Variants in SPHKAP observed in about 807,000 individuals in gnomAD.
SPHKAP encodes A-kinase anchor protein SPHKAP.
Under a neutral mutation model 137.5 loss-of-function variants are expected in SPHKAP, and 67 were observed. That is an observed-to-expected ratio of 0.49 (90% CI 0.40 to 0.60). SPHKAP has a LOEUF of 0.60. Ranked by LOEUF, SPHKAP falls within the 20% of genes least tolerant of loss-of-function variation. The pLI is 0.00. For synonymous variants in SPHKAP, 813 were observed against 785.3 expected (o/e 1.04, Z -0.59); for missense variants, 2,097 against 2,069.3 (o/e 1.01, Z -0.26).
At chr2:228,121,345 A>G (rs1388742621) in intron 2 of SPHKAP, among the ~76,000 whole-genome samples, 1 of 152,084 alleles carries the variant, frequency 6.6e-6, no homozygotes, top group Admixed American at 6.6e-5. Flanking sequence ...CCCTGTCTCT[A>G]CAAAATAATA....
In SPHKAP at chr2:228,017,814, T is replaced by G; in HGVS notation, c.3040A>C (p.Lys1014Gln). 6.2e-7 allele frequency: 1 copy of G among 1,614,160 alleles called. No homozygotes were observed. The highest frequency in any genetic ancestry group is 1.3e-5 in the African/African-American group (1 of 75,050). ...KRKTDEHPEL[K>Q]EKLMNRVVDE... The stretch of plus-strand genomic sequence containing the variant: ...ACAACCCTGTTCATCAGCTTTTCTT[T>G]AAGCTCAGGGTGCTCGTCCGTCTTC... The change falls in exon 7 of 12, where the codon AAA (lysine) becomes CAA (glutamine). Residue 1014 changes from lysine to glutamine, a missense_variant. Lys to Gln is a moderately conservative substitution (Grantham distance 53). Transcript: ENST00000392056.
intron 3 of SPHKAP, among the ~76,000 whole-genome samples, chr2:228,065,218 T>G (rs546990389): frequency 6.6e-6 from 1 of 152,096 alleles, no homozygotes; most frequent in East Asian, 1.9e-4. Flanking sequence ...AGTAATAGAG[T>G]CCTTGGGTCC....
chr2:228,069,078 C>T (rs1393249826), intron 3 of SPHKAP, among the ~76,000 whole-genome samples: 1 of 152,096 alleles, frequency 6.6e-6, no homozygotes, highest in Non-Finnish European at 1.5e-5. Context: ...ACCAGCCTGG[C>T]TAACATGGCA....
chr2:228,003,425 CTT>C (rs1693990946), intron 7 of SPHKAP, among the ~76,000 whole-genome samples: 1 of 152,186 alleles, frequency 6.6e-6, no homozygotes, highest in Non-Finnish European at 1.5e-5. Context: ...TATCCTGAGA[CTT>C]TGCTGAAGTT....
At chr2:228,035,388 A>G (rs1263456802) in intron 3 of SPHKAP, among the ~76,000 whole-genome samples, 1 of 152,214 alleles carries the variant, frequency 6.6e-6, no homozygotes, top group Non-Finnish European at 1.5e-5. Flanking sequence ...AAGAAAATAC[A>G]AACAAATGGA....
chr2:228,114,772 T>C (rs531163846), intron 2 of SPHKAP, among the ~76,000 whole-genome samples: 1 of 152,182 alleles, frequency 6.6e-6, no homozygotes, highest in African/African-American at 2.4e-5. Flanking sequence ...GCCATTCTCA[T>C]TTTTCTTCTC....
chr2:228,117,020 A>G (rs1375570776), intron 2 of SPHKAP, among the ~76,000 whole-genome samples: 1 of 152,106 alleles, frequency 6.6e-6, no homozygotes, highest in Non-Finnish European at 1.5e-5. Context: ...CTGTCCCAAT[A>G]TAAATATTTC....
At chr2:228,119,503 G>C (rs558144031) in intron 2 of SPHKAP, among the ~76,000 whole-genome samples, 1 of 97,120 alleles carries the variant, frequency 1.0e-5, no homozygotes, top group East Asian at 3.7e-4. Context: ...TCTCATGCTG[G>C]ACTAGAAGTC....
At chr2:228,109,064 G>T in intron 2 of SPHKAP, 125 bp from the exon 3 acceptor site, 1 of 623,270 alleles carries the variant, frequency 1.6e-6, no homozygotes, top group Non-Finnish European at 2.5e-6. Flanking sequence ...CAGAGCTTCT[G>T]GGTGTTAGAA....
Position 228,027,661 on chromosome 2 carries a change from GT to G in SPHKAP, c.247-119del. The G allele has an allele frequency of 7.9e-6, 8 of 1,015,850 alleles. 1 individual carries two copies. In the South Asian group the frequency reaches 1.1e-4, roughly 15 times the overall value. The allele number at this position is 1,015,850 out of a possible 1,614,324, so 62.9% of individuals were successfully genotyped here. On this transcript the variant is annotated intron_variant, in intron 3 of 11. Coordinates refer to ENST00000392056, the MANE Select transcript of SPHKAP (RefSeq NM_001142644.2). ...TTGGGAGTCTTCCACATCTTAGACA[GT>G]TTGGCATAGAAATAGTCATTTCAGG...
chr2:228,139,873 A>G (rs1176916704), intron 1 of SPHKAP, among the ~76,000 whole-genome samples: 1 of 142,718 alleles, frequency 7.0e-6, no homozygotes, highest in African/African-American at 2.5e-5. Flanking sequence ...GTTACTATAG[A>G]AATATTTATC....
intron 3 of SPHKAP, among the ~76,000 whole-genome samples, chr2:228,065,463 T>C (rs1333097057): frequency 6.6e-6 from 1 of 152,174 alleles, no homozygotes; most frequent in African/African-American, 2.4e-5. Flanking sequence ...TGAAGCTTAA[T>C]TGCAGTGGGT....
At chr2:228,137,115 ACT>A (rs1012076608) in intron 1 of SPHKAP, among the ~76,000 whole-genome samples, 1 of 151,600 alleles carries the variant, frequency 6.6e-6, no homozygotes, top group African/African-American at 2.4e-5. Flanking sequence ...GAAGTGAGAC[ACT>A]CTTCTTGTGT....
intron 5 of SPHKAP, among the ~76,000 whole-genome samples, chr2:228,024,342 G>GT (rs56031418): frequency 0.014 from 1,785 of 124,534 alleles, 25 homozygotes; most frequent in African/African-American, 0.039. Flanking sequence ...TGCAGAGGCA[G>GT]TTTTTTTTTT....
chr2:228,001,889 G>T (rs1036734228), intron 7 of SPHKAP, among the ~76,000 whole-genome samples: 3 of 152,084 alleles, frequency 2.0e-5, no homozygotes, highest in African/African-American at 7.2e-5. Context: ...TCCCTACAAA[G>T]GACATGAACT....
chr2:228,113,663 G>A (rs1208697359), intron 2 of SPHKAP, among the ~76,000 whole-genome samples: 1 of 131,112 alleles, frequency 7.6e-6, no homozygotes, highest in Non-Finnish European at 1.7e-5. Context: ...GCTCAGGTGT[G>A]TTCAGGAGGT....
chr2:228,083,459 T>C (rs956658974), intron 3 of SPHKAP, among the ~76,000 whole-genome samples: 3 of 152,216 alleles, frequency 2.0e-5, no homozygotes, highest in Non-Finnish European at 2.9e-5. Flanking sequence ...TTTTTTTCTA[T>C]GTTTTTTGGC....
chr2:228,167,610 T>C (rs1700456752), intron 1 of SPHKAP, among the ~76,000 whole-genome samples: 1 of 152,196 alleles, frequency 6.6e-6, no homozygotes, highest in African/African-American at 2.4e-5. Flanking sequence ...AGATAAATTC[T>C]TTAATGCATT....
intron 1 of SPHKAP, among the ~76,000 whole-genome samples, chr2:228,175,420 T>C (rs1384720559): frequency 6.6e-6 from 1 of 152,142 alleles, no homozygotes; most frequent in Non-Finnish European, 1.5e-5. Context: ...GAGGAGATAA[T>C]TTGGAATGTA....
Sources: gnomAD v4.1 joint callset for allele counts (sites outside exome capture counted in the v4.1 genomes callset) on GRCh38, gnomAD v4.1.1 for gene constraint, MANE v1.5 for transcripts, NCBI Gene and HGNC (gene_info 2026-07-23, HGNC 2026-07-21) for gene names.